ZNF841: variants seen among roughly 807,000 people sequenced by gnomAD.
The protein encoded by ZNF841 is zinc finger protein 841.
In ZNF841, 11 loss-of-function variants were observed where a neutral mutation model predicts 13.0. That is an observed-to-expected ratio of 0.85 (90% CI 0.53 to 1.40). The LOEUF is 1.40. Among genes scored for constraint, ZNF841 ranks in the 40% most tolerant of loss-of-function variants. The pLI is 0.00. For synonymous variants in ZNF841, 369 were observed against 381.6 expected (o/e 0.97, Z 0.38); for missense variants, 1,068 against 1,139.5 (o/e 0.94, Z 0.90).
chr19:52,067,524 C>T lies in ZNF841; in HGVS notation c.358G>A (p.Gly120Arg), dbSNP rs1371648877. The stretch of plus-strand genomic sequence containing the variant: ...TTTTCAGTGTCATAGCTTTCATGTC[C>T]TTCCAACATCACTGCTTGGAATTTT... ...GEKFQAVMLE[G>R]HESYDTENFY... The change falls in exon 7 of 7, where the codon GGA becomes AGA. Residue 120 changes from glycine (G) to arginine (R), a missense_variant. Physicochemically the swap from Gly to Arg is moderately radical, Grantham distance 125 (BLOSUM62 -2). Transcript: ENST00000594440. 1 of 1,599,762 alleles carries T rather than the reference C, an allele frequency of 6.3e-7. No homozygotes were observed. Among genetic ancestry groups the T allele is most frequent in the Non-Finnish European group, 8.5e-7 (1 of 1,172,822 alleles).
intron 4 of ZNF841, among the ~76,000 whole-genome samples, chr19:52,079,011 G>T (rs900145861): frequency 1.3e-5 from 2 of 152,000 alleles, no homozygotes; most frequent in Non-Finnish European, 2.9e-5. Flanking sequence ...TAGCATGCTT[G>T]GGACAATGAA....
chr19:52,073,293 GT>G (rs904942956), intron 6 of ZNF841, among the ~76,000 whole-genome samples: 17 of 149,042 alleles, frequency 1.1e-4, no homozygotes, highest in South Asian at 4.3e-4. Flanking sequence ...ACAAGTTGTT[GT>G]TTTTTTTTCT....
At chr19:52,091,638 A>C (rs2088501273) in intron 2 of ZNF841, among the ~76,000 whole-genome samples, 1 of 152,204 alleles carries the variant, frequency 6.6e-6, no homozygotes, top group African/African-American at 2.4e-5. Flanking sequence ...TTCACATTCA[A>C]AAGAATATGA....
At chr19:52,062,433 T>C (rs1236674295), downstream of ZNF841, among the ~76,000 whole-genome samples, 1 of 152,170 alleles carries the variant, frequency 6.6e-6, no homozygotes, top group Non-Finnish European at 1.5e-5. Flanking sequence ...GCTCAGTGAC[T>C]TACATTGTAA....
intron 2 of ZNF841, among the ~76,000 whole-genome samples, chr19:52,092,178 C>A (rs1268536545): frequency 1.3e-5 from 2 of 151,822 alleles, no homozygotes; most frequent in Non-Finnish European, 2.9e-5. Flanking sequence ...CTCCTGCACA[C>A]CAAAGGAAAC....
At chr19:52,076,202 C>G in intron 5 of ZNF841, 30 bp from the exon 6 acceptor site, 1 of 1,546,588 alleles carries the variant, frequency 6.5e-7, no homozygotes, top group Admixed American at 2.0e-5. Flanking sequence ...GAAGATGTCC[C>G]ACGGTTTTTC....
At chr19:52,059,260 G>A in the ZNF841 span, among the ~76,000 whole-genome samples, 2 of 147,744 alleles carry the variant, frequency 1.4e-5, no homozygotes, top group Admixed American at 6.8e-5. Flanking sequence ...TGAGGCAGGA[G>A]AATGGCAAGA....
chr19:52,078,114 A>G (rs1281048872), intron 4 of ZNF841, among the ~76,000 whole-genome samples: 1 of 152,030 alleles, frequency 6.6e-6, no homozygotes, highest in Non-Finnish European at 1.5e-5. Context: ...ATATGGTGAA[A>G]CCCCATCTCT....
At chr19:52,061,426 T>G (rs989462918), downstream of ZNF841, among the ~76,000 whole-genome samples, 1 of 152,162 alleles carries the variant, frequency 6.6e-6, no homozygotes, top group Non-Finnish European at 1.5e-5. Flanking sequence ...AAATCCCATA[T>G]GCACAGGATT....
chr19:52,091,636 C>T (rs2088501182), intron 2 of ZNF841, among the ~76,000 whole-genome samples: 1 of 152,064 alleles, frequency 6.6e-6, no homozygotes, highest in African/African-American at 2.4e-5. Flanking sequence ...TATTCACATT[C>T]AAAAGAATAT....
chr19:52,069,425 A>G (rs1056527031), intron 6 of ZNF841, among the ~76,000 whole-genome samples: 32 of 152,278 alleles, frequency 2.1e-4, no homozygotes, highest in Middle Eastern at 3.4e-3. Context: ...TATATATGAT[A>G]CAGAGATTGT....
At chr19:52,085,611 T>A (rs2088247008) in intron 3 of ZNF841, among the ~76,000 whole-genome samples, 1 of 152,008 alleles carries the variant, frequency 6.6e-6, no homozygotes, top group Admixed American at 6.5e-5. Flanking sequence ...GAAGGTGATA[T>A]CAGAACAAAG....
chr19:52,088,254 C>T (rs1600104345), intron 3 of ZNF841, among the ~76,000 whole-genome samples: 1 of 152,094 alleles, frequency 6.6e-6, no homozygotes, highest in African/African-American at 2.4e-5. Context: ...TCCACTTAGG[C>T]CTTGCTTCTC....
intron 4 of ZNF841, among the ~76,000 whole-genome samples, chr19:52,084,121 C>T (rs1043409805): frequency 2.0e-5 from 3 of 151,986 alleles, no homozygotes; most frequent in Admixed American, 6.6e-5. Context: ...AAACAACTGC[C>T]GGTAAGAGTC....
chr19:52,076,852 G>C, intron 5 of ZNF841, 106 bp downstream of exon 5: 2 of 1,373,074 alleles, frequency 1.5e-6, no homozygotes. Context: ...AATCAACAAG[G>C]CTTCAGTCTC....
Position 52,066,024 on chromosome 19 carries a change from T to A in ZNF841, c.1858A>T (p.Thr620Ser). The A allele has an allele frequency of 4.3e-6, 7 of 1,614,100 alleles. No homozygotes were observed. Among genetic ancestry groups the A allele is most frequent in the Non-Finnish European group, 5.9e-6 (7 of 1,179,946 alleles). ...GNLSIHRRSH[T>S]GEKPFQCNEC... ...TTACACTGGAAAGGTTTCTCTCCGG[T>A]ATGACTTCGCCTATGAATTGAAAGG... Residue 620 changes from threonine (T) to serine (S), a missense_variant, in exon 7 of 7, where the codon ACC (threonine) becomes TCC (serine). By Grantham distance (58) the Thr-to-Ser change is moderately conservative (BLOSUM62 1). Transcript: ENST00000594440.
intron 2 of ZNF841, 147 bp downstream of exon 2, chr19:52,093,699 G>C (rs548763272): frequency 6.6e-6 from 1 of 152,126 alleles, no homozygotes; most frequent in African/African-American, 2.4e-5. Flanking sequence ...CTTATTTCTG[G>C]AGTTAGCAAC....
Position 52,066,883 on chromosome 19 carries a change from T to C in ZNF841, c.999A>G (p.Val333=). 6.2e-7 allele frequency: 1 copy of C among 1,614,216 alleles called. No individual in the cohort carries two copies. Among genetic ancestry groups the C allele is most frequent in the East Asian group, 2.2e-5 (1 of 44,872 alleles). The part of the protein sequence containing the change: ...GRIFRQNSDL[V]NHRRSHTGDK... ...CTCCAGTGTGACTTCTCCGGTGATT[T>C]ACAAGATCTGAATTTTGTCTGAAGA... Residue 333 remains valine, a synonymous_variant, in exon 7 of 7, where the codon GTA becomes GTG. Coordinates refer to ENST00000594440, the MANE Select transcript of ZNF841 (RefSeq NM_001136499.2).
At chr19:52,083,240 A>G (rs2088157158) in intron 4 of ZNF841, among the ~76,000 whole-genome samples, 1 of 152,086 alleles carries the variant, frequency 6.6e-6, no homozygotes, top group Non-Finnish European at 1.5e-5. Context: ...TCAATGAAAC[A>G]TGAGGCATGG....
Sources: allele counts gnomAD v4.1 joint callset (sites outside exome capture counted in the v4.1 genomes callset), GRCh38; gene constraint gnomAD v4.1.1; transcripts MANE v1.5; gene names NCBI Gene and HGNC (gene_info 2026-07-23, HGNC 2026-07-21).